The following IL1RAPL1 variants were observed in gnomAD, a reference collection of about 807,000 sequenced individuals.
IL1RAPL1 encodes the protein interleukin-1 receptor accessory protein-like 1.
Under a neutral mutation model 48.4 loss-of-function variants are expected in IL1RAPL1, and 3 were observed. The ratio of observed to expected loss-of-function variants is 0.06; its 90% CI spans 0.03 to 0.16. The LOEUF (loss-of-function observed/expected upper bound fraction) is 0.16. Among genes scored for constraint, IL1RAPL1 ranks in the 10% least tolerant of loss-of-function variants. The pLI is 1.00. For synonymous variants in IL1RAPL1, 185 were observed against 187.7 expected, an observed-to-expected ratio of 0.99 and a Z score of 0.12; for missense variants, 349 against 530.6, an observed-to-expected ratio of 0.66 and a Z score of 3.36.
rs113640152 is a variant in IL1RAPL1, at chrX:29,012,141, T to C, written c.82+222716T>C. Among the ~76,000 whole-genome samples the C allele has an allele frequency of 6.7e-3, 758 of 112,512 alleles. 9 individuals carry two copies. The highest frequency in any genetic ancestry group is 0.023 in the African/African-American group (724 of 30,951). On this transcript the variant is annotated intron_variant, in intron 2 of 10. Transcript: ENST00000378993. ...AAAATGCATATTATGGAAAAGCAGT[T>C]CAGAGAAATCAAATTTTGTTGAACC...
At chrX:29,407,754 T>G (rs1210919132) in intron 5 of IL1RAPL1, among the ~76,000 whole-genome samples, 1 of 111,931 alleles carries the variant, frequency 8.9e-6, no homozygotes. Flanking sequence ...CTAACCGAAT[T>G]GACTGTAGGG....
intron 1 of IL1RAPL1, among the ~76,000 whole-genome samples, chrX:28,608,250 C>A (rs1366814648): frequency 9.0e-6 from 1 of 111,489 alleles, no homozygotes; most frequent in Non-Finnish European, 1.9e-5. Flanking sequence ...GAATTCTCTT[C>A]TTTGATTTGA....
chrX:29,605,659 G>C (rs750205164), intron 5 of IL1RAPL1, among the ~76,000 whole-genome samples: 2 of 111,820 alleles, frequency 1.8e-5, no homozygotes, highest in South Asian at 7.5e-4. Flanking sequence ...GACTTATACT[G>C]TAATACACAA....
intron 5 of IL1RAPL1, among the ~76,000 whole-genome samples, chrX:29,608,061 C>T (rs1010933023): frequency 1.8e-5 from 2 of 112,140 alleles, no homozygotes; most frequent in African/African-American, 3.2e-5. Context: ...TTTTAATGCT[C>T]CACTTGGTGT....
At chrX:29,117,451 G>C (rs1928699766) in intron 2 of IL1RAPL1, among the ~76,000 whole-genome samples, 1 of 112,264 alleles carries the variant, frequency 8.9e-6, no homozygotes, top group Non-Finnish European at 1.9e-5. Context: ...AGCAATATCT[G>C]TAAGAAACAC....
At chrX:29,574,607 C>T (rs926916060) in intron 5 of IL1RAPL1, among the ~76,000 whole-genome samples, 5 of 111,310 alleles carry the variant, frequency 4.5e-5, no homozygotes, top group Admixed American at 1.9e-4. Flanking sequence ...TATTAGCATT[C>T]GGCTCCTCTT....
At position 29,920,840 on chromosome X, in the gene IL1RAPL1, GA is replaced by G. The variant is rs796830604; in HGVS notation, c.1057+758del. Among the ~76,000 whole-genome samples, 731 of 74,796 alleles carry G rather than the reference GA, an allele frequency of 9.8e-3. 4 individuals carry two copies. The highest frequency in any genetic ancestry group is 0.033 in the East Asian group (74 of 2,211). The allele number at this position is 74,796 out of a possible 115,157, so 65.0% of individuals were successfully genotyped here. On this transcript the variant is annotated intron_variant, in intron 8 of 10. Coordinates refer to ENST00000378993, the MANE Select transcript of IL1RAPL1 (RefSeq NM_014271.4). Reference sequence around the variant, plus strand: ...AAAAGAAAAGAAAAGAAAGAAAAGAGAAAAAAAAAAAACAACTAAATGGTTT... The same window carrying G: ...AAAAGAAAAGAAAAGAAAGAAAAGAGAAAAAAAAAAACAACTAAATGGTTT...
intron 2 of IL1RAPL1, among the ~76,000 whole-genome samples, chrX:29,263,485 C>A (rs1169750127): frequency 1.8e-5 from 2 of 111,938 alleles, no homozygotes; most frequent in African/African-American, 6.5e-5. Context: ...ATCCAGAACA[C>A]AAGGCTTGAT....
chrX:28,934,715 CTTCA>C (rs1923972173), intron 2 of IL1RAPL1, among the ~76,000 whole-genome samples: 1 of 112,114 alleles, frequency 8.9e-6, no homozygotes, highest in Admixed American at 9.5e-5. Flanking sequence ...TTTATCAGTA[CTTCA>C]TTCTTTCTTA....
At chrX:29,569,073 T>A (rs920835481) in intron 5 of IL1RAPL1, among the ~76,000 whole-genome samples, 2 of 111,292 alleles carry the variant, frequency 1.8e-5, no homozygotes, top group Non-Finnish European at 3.8e-5. Flanking sequence ...AGGAAAAAAA[T>A]TGTTTAGTAG....
At chrX:29,042,246 A>G (rs1339109948) in intron 2 of IL1RAPL1, among the ~76,000 whole-genome samples, 2 of 111,820 alleles carry the variant, frequency 1.8e-5, no homozygotes, top group African/African-American at 6.5e-5. Flanking sequence ...GGAACTTGGT[A>G]TCTCATCAGT....
At position 29,647,347 on chromosome X, in the gene IL1RAPL1, CAA is replaced by C. The variant is rs763429832; in HGVS notation, c.704-21065_704-21064del. Among the ~76,000 whole-genome samples the C allele has an allele frequency of 9.3e-4, 51 of 54,568 alleles. No homozygotes were observed. In the South Asian group the frequency reaches 0.019, roughly 20 times the overall value. The allele number at this position is 54,568 out of a possible 115,157, so 47.4% of individuals were successfully genotyped here. A position where few individuals can be genotyped will look rare whatever the true frequency, so the allele number is the denominator to read the frequency against. ...CTGGTGACAGAGTGAGACTCTGCCT[CAA>C]AAAAAAAAAAAAAAAAATACTCTAA... On this transcript the variant is annotated intron_variant, in intron 5 of 10. Transcript: ENST00000378993.
At chrX:29,906,073 C>CAAAG (rs745526163) in intron 6 of IL1RAPL1, among the ~76,000 whole-genome samples, 1 of 110,190 alleles carries the variant, frequency 9.1e-6, no homozygotes, top group African/African-American at 3.3e-5. Flanking sequence ...AAATATAGTT[C>CAAAG]AAAGACAGTA....
chrX:29,386,000 C>A (rs983457342), intron 3 of IL1RAPL1, among the ~76,000 whole-genome samples: 7 of 112,031 alleles, frequency 6.2e-5, no homozygotes, highest in Non-Finnish European at 1.3e-4. Context: ...TACTTGTTGT[C>A]CAACCCCCAA....
chrX:29,905,855 G>A (rs1219449524), intron 6 of IL1RAPL1, among the ~76,000 whole-genome samples: 1 of 111,260 alleles, frequency 9.0e-6, no homozygotes, highest in Non-Finnish European at 1.9e-5. Flanking sequence ...GATATGAGGG[G>A]ACCAAGCAGA....
intron 2 of IL1RAPL1, among the ~76,000 whole-genome samples, chrX:29,173,157 AGG>A (rs1277055309): frequency 9.0e-6 from 1 of 111,722 alleles, no homozygotes; most frequent in Non-Finnish European, 1.9e-5. Context: ...AGGAGGTCCA[AGG>A]AACATACTTA....
intron 6 of IL1RAPL1, among the ~76,000 whole-genome samples, chrX:29,906,460 A>AATATATAT (rs1164023016): frequency 6.7e-5 from 2 of 29,880 alleles, no homozygotes. Flanking sequence ...TAACTTTGTA[A>AATATATAT]ATATATATAT....
chrX:29,920,142 G>C (rs764725197), intron 8 of IL1RAPL1, 48 bp downstream of exon 8: 7 of 1,187,735 alleles, frequency 5.9e-6, no homozygotes, highest in African/African-American at 3.5e-5. Context: ...TGTATGATGG[G>C]AGAAAAAATC....
chrX:29,341,856 G>T (rs892651021), intron 3 of IL1RAPL1, among the ~76,000 whole-genome samples: 2 of 111,165 alleles, frequency 1.8e-5, no homozygotes, highest in African/African-American at 6.5e-5. Flanking sequence ...ACCCAGGCTG[G>T]AGTGCAGTGG....
Sources: allele counts gnomAD v4.1 joint callset (sites outside exome capture counted in the v4.1 genomes callset), GRCh38; gene constraint gnomAD v4.1.1; transcripts MANE v1.5; gene names NCBI Gene and HGNC (gene_info 2026-07-23, HGNC 2026-07-21).